Variants in USP36 observed in about 807,000 individuals in gnomAD.
USP36 encodes the protein ubiquitin specific peptidase 36.
USP36 carries 59 observed loss-of-function variants against 111.5 expected under a neutral mutation model. That is an observed-to-expected ratio of 0.53 (90% CI 0.43 to 0.66). USP36 has a LOEUF of 0.66. USP36 is among the 30% of genes least tolerant of loss of function. The pLI is 0.00. For missense variants in USP36, 1,488 were observed against 1,468.0 expected, an observed-to-expected ratio of 1.01 and a Z score of -0.22; for synonymous variants, 628 against 581.0, an observed-to-expected ratio of 1.08 and a Z score of -1.16.
rs754346385 is a variant in USP36, at chr17:78,807,393, G to C, written c.1651C>G (p.Gln551Glu). 3.7e-6 allele frequency: 6 copies of C among 1,614,170 alleles called. No homozygotes were observed. The highest frequency in any genetic ancestry group is 5.1e-6 in the Non-Finnish European group (6 of 1,180,018). The change falls in exon 14 of 21, where the codon CAG becomes GAG. Residue 551 changes from glutamine (Q) to glutamate (E), a missense_variant. By Grantham distance (29) the Gln-to-Glu change is conservative (BLOSUM62 2). This residue lies in a region of USP36 where 1,073 missense variants were observed against 994.1 expected (regional missense o/e 1.08). Transcript: ENST00000449938. ...GAGTTGCTGGTCCCAGGCAGCCCCT[G>C]AGCAGTTCTGGGGGAAAAGTGCTGT... ...PPQHFSPRTA[Q>E]GLPGTSNSNS...
At chr17:78,839,944 T>G (rs1445998068) in intron 1 of USP36, among the ~76,000 whole-genome samples, 2 of 152,174 alleles carry the variant, frequency 1.3e-5, no homozygotes, top group African/African-American at 2.4e-5. Flanking sequence ...CGCTCCCTCC[T>G]CCTTCTAAAG....
chr17:78,827,446 A>G lies in USP36; in HGVS notation c.587-99T>C, dbSNP rs568283520. 14 of 1,090,910 alleles carry G rather than the reference A, an allele frequency of 1.3e-5. No individual in the cohort carries two copies. The South Asian group carries it at 2.2e-4, about 17-fold the overall frequency. The allele number at this position is 1,090,910 out of a possible 1,614,324, so 67.6% of individuals were successfully genotyped here. ...GGCCATTCCTGGCTGTTATAAGGGG[A>G]AAATACTGCAACTTTTCAAAGGAAC... On this transcript the variant is annotated intron_variant, in intron 5 of 20. Transcript: ENST00000449938.
At chr17:78,801,745 C>T (rs1263662322) in intron 17 of USP36, among the ~76,000 whole-genome samples, 1 of 152,210 alleles carries the variant, frequency 6.6e-6, no homozygotes, top group Non-Finnish European at 1.5e-5. Context: ...CTAAATTCAA[C>T]CATCACAGAA....
intron 4 of USP36, among the ~76,000 whole-genome samples, chr17:78,829,572 G>A (rs62075634): frequency 0.14 from 20,812 of 152,146 alleles, 1,845 homozygotes; most frequent in Middle Eastern, 0.22. Flanking sequence ...GGGCTATACA[G>A]TCTAGTCACA....
At chr17:78,822,289 G>A (rs1484737035) in intron 6 of USP36, among the ~76,000 whole-genome samples, 2 of 152,082 alleles carry the variant, frequency 1.3e-5, no homozygotes, top group African/African-American at 4.8e-5. Context: ...TAAAAGCCCC[G>A]AGAAATGTAC....
At chr17:78,829,735 A>G (rs1165257600) in intron 4 of USP36, among the ~76,000 whole-genome samples, 1 of 152,192 alleles carries the variant, frequency 6.6e-6, no homozygotes, top group African/African-American at 2.4e-5. Flanking sequence ...ACTAGGCATT[A>G]GGCTAGACAG....
intron 12 of USP36, 141 bp from the exon 13 acceptor site, chr17:78,813,142 T>TCC: frequency 9.1e-7 from 1 of 1,096,002 alleles, no homozygotes; most frequent in Non-Finnish European, 1.3e-6. Context: ...CTCTGGAATC[T>TCC]CCCTTTGCCT....
chr17:78,802,228 TCCC>T (rs2093767026), intron 17 of USP36, 93 bp downstream of exon 17: 1 of 1,064,976 alleles, frequency 9.4e-7, no homozygotes, highest in Non-Finnish European at 1.2e-6. Context: ...GCCCATGCGG[TCCC>T]CCAACCCCTC....
At chr17:78,829,440 T>C (rs989663865) in intron 4 of USP36, among the ~76,000 whole-genome samples, 1 of 152,236 alleles carries the variant, frequency 6.6e-6, no homozygotes, top group African/African-American at 2.4e-5. Context: ...GACAGCCCCT[T>C]AGTAGTGCCT....
chr17:78,836,292 C>T lies in USP36; in HGVS notation c.72G>A (p.Leu24=). The change falls in exon 3 of 21, where the codon CTG becomes CTA. Residue 24 remains leucine (L), a synonymous_variant. Transcript: ENST00000449938. The part of the protein sequence containing the change: ...GRKDSADDGE[L]GKLLASSAKK... ...TGGCAGAGGAGGCAAGAAGCTTCCC[C>T]AGTTCTCCATCATCAGCCGAGTCCT... 1.2e-6 allele frequency: 2 copies of T among 1,614,170 alleles called. No homozygotes were observed. Among genetic ancestry groups the T allele is most frequent in the South Asian group, 1.1e-5 (1 of 91,080 alleles).
At chr17:78,788,634 A>T in intron 3 of USP36, among the ~76,000 whole-genome samples, 1 of 151,870 alleles carries the variant, frequency 6.6e-6, no homozygotes, top group East Asian at 1.9e-4. Flanking sequence ...AACAACAGAC[A>T]GCCCACCCGC....
At position 78,818,606 on chromosome 17, in the gene USP36, T is replaced by C. The variant is rs1488220262; in HGVS notation, c.1023+61A>G. On this transcript the variant is annotated intron_variant, in intron 10 of 20. Transcript: ENST00000449938. ...AAACTCGTGGCTATCACTTTCTTCG[T>C]GTTATTCTGATGCCGACTGTGGCCC... is the stretch of plus-strand genomic sequence containing the variant. The C allele has an allele frequency of 2.7e-6, 4 of 1,463,522 alleles. No homozygotes were observed. The East Asian group carries it at 9.1e-5, about 33-fold the overall frequency. The allele number at this position is 1,463,522 out of a possible 1,614,324, so 90.7% of individuals were successfully genotyped here. A position where few individuals can be genotyped will look rare whatever the true frequency, so the allele number is the denominator to read the frequency against.
chr17:78,814,558 T>G lies in USP36; in HGVS notation c.1024-6A>C, dbSNP rs746209361. 6.2e-7 allele frequency: 1 copy of G among 1,608,404 alleles called. No homozygotes were observed. Among genetic ancestry groups the G allele is most frequent in the Non-Finnish European group, 8.5e-7 (1 of 1,177,706 alleles). On this transcript the variant is annotated splice_region_variant and splice_polypyrimidine_tract_variant and intron_variant, in intron 10 of 20. Coordinates refer to ENST00000449938, the MANE Select transcript of USP36 (RefSeq NM_001385174.1). ...AATTCCGGATAGCCTACATCCTGTT[T>G]GAAAAATCAAGGAAAAGACAAATAA...
chr17:78,802,205 T>A, intron 17 of USP36, 119 bp downstream of exon 17: 37 of 259,388 alleles, frequency 1.4e-4, no homozygotes, highest in Non-Finnish European at 1.7e-4. Context: ...GTCCAACCCC[T>A]CGCCCAGTGC....
intron 12 of USP36, 26 bp from the exon 13 acceptor site, chr17:78,813,027 G>T (rs770596891): frequency 2.5e-6 from 4 of 1,613,230 alleles, no homozygotes; most frequent in South Asian, 1.1e-5. Context: ...AACAAGTAGG[G>T]AATTCTCTTA....
chr17:78,825,113 A>G (rs1432819073), intron 6 of USP36, among the ~76,000 whole-genome samples: 1 of 152,208 alleles, frequency 6.6e-6, no homozygotes, highest in East Asian at 1.9e-4. Context: ...ACATGGATAT[A>G]GAAAATGAAA....
chr17:78,801,400 A>G (rs993509903), intron 17 of USP36, among the ~76,000 whole-genome samples: 13 of 152,196 alleles, frequency 8.5e-5, no homozygotes, highest in Non-Finnish European at 1.5e-5. Context: ...AGAGTTGGAT[A>G]AATACAAATC....
chr17:78,822,038 C>T, intron 6 of USP36, 34 bp from the exon 7 acceptor site: 2 of 1,613,354 alleles, frequency 1.2e-6, no homozygotes, highest in Non-Finnish European at 1.7e-6. Flanking sequence ...AAGGGAAGGG[C>T]TCAGCAAGAT....
chr17:78,837,212 G>C (rs534762030), intron 2 of USP36, among the ~76,000 whole-genome samples: 78 of 152,188 alleles, frequency 5.1e-4, no homozygotes, highest in African/African-American at 1.8e-3. Flanking sequence ...ACAGTGCTTG[G>C]AGTACAAATT....
Sources: gnomAD v4.1 joint callset for allele counts (sites outside exome capture counted in the v4.1 genomes callset) on GRCh38, gnomAD v4.1.1 for gene constraint, gnomAD v4.1.1 regional missense constraint, MANE v1.5 for transcripts, NCBI Gene and HGNC (gene_info 2026-07-23, HGNC 2026-07-21) for gene names.